The following ATL1 variants were observed in gnomAD, a reference collection of about 807,000 sequenced individuals.
The protein encoded by ATL1 is atlastin GTPase 1.
ATL1 carries 31 observed loss-of-function variants against 75.5 expected under a neutral mutation model. The observed-to-expected ratio is 0.41, with a 90% confidence interval of 0.31 to 0.55. The LOEUF (loss-of-function observed/expected upper bound fraction) is 0.55. Among genes scored for constraint, ATL1 ranks in the 20% least tolerant of loss-of-function variants. The pLI, the probability that ATL1 is intolerant of heterozygous loss-of-function variation, is 0.27. For missense variants in ATL1, 405 were observed against 662.6 expected (o/e 0.61, Z 4.27); for synonymous variants, 226 against 233.3 (o/e 0.97, Z 0.28).
At chr14:50,612,160 G>C (rs908175833) in intron 6 of ATL1, among the ~76,000 whole-genome samples, 1 of 152,246 alleles carries the variant, frequency 6.6e-6, no homozygotes, top group Admixed American at 6.5e-5. Flanking sequence ...AATATATCAT[G>C]TATCATGTAT....
In ATL1 at chr14:50,628,412, C is replaced by A. The variant is rs1316385532; in HGVS notation, c.1501C>A (p.Arg501=). The A allele has an allele frequency of 1.2e-6, 2 of 1,614,042 alleles. No individual in the cohort carries two copies. The highest frequency in any genetic ancestry group is 8.5e-7 in the Non-Finnish European group (1 of 1,180,028). ...ATATATCCGGTACTCTGGAGAATAC[C>A]GAGAGCTGGGAGCTGTAATAGACCA... ...WAYIRYSGEY[R]ELGAVIDQVA... is the part of the protein sequence containing the mutation. The change falls in exon 12 of 14, where the codon CGA becomes AGA. Residue 501 remains arginine (R), a synonymous_variant. Coordinates refer to ENST00000358385, the MANE Select transcript of ATL1 (RefSeq NM_015915.5).
chr14:50,593,569 T>A (rs1460364869), intron 4 of ATL1, among the ~76,000 whole-genome samples: 1 of 152,370 alleles, frequency 6.6e-6, no homozygotes, highest in East Asian at 1.9e-4. Context: ...TTTTTTTGAC[T>A]AATTGCATAA....
At chr14:50,594,026 T>C (rs1595602154) in intron 5 of ATL1, 130 bp downstream of exon 5, 2 of 720,720 alleles carry the variant, frequency 2.8e-6, no homozygotes, top group East Asian at 5.7e-5. Flanking sequence ...ATTGGCCCAA[T>C]TAGCTGCCTG....
chr14:50,609,335 A>C (rs1008975079), intron 6 of ATL1, among the ~76,000 whole-genome samples: 2 of 152,026 alleles, frequency 1.3e-5, no homozygotes, highest in African/African-American at 4.8e-5. Flanking sequence ...TCTTTAAATA[A>C]ATGAATGAAT....
chr14:50,632,722 T>G lies in ATL1; in HGVS notation c.*383T>G, dbSNP rs1201462637. The G allele has an allele frequency of 4.7e-6, 1 of 211,644 alleles. No homozygotes were observed. The highest frequency in any genetic ancestry group is 2.3e-5 in the African/African-American group (1 of 43,118). The allele number at this position is 211,644 out of a possible 1,614,324, so 13.1% of individuals were successfully genotyped here. ...TCTACAGAAAAAATTTTAAATTATT[T>G]CACATTAGCCATTTGTTAAAACACA... On this transcript the variant is annotated 3_prime_UTR_variant, in exon 14 of 14. Coordinates refer to ENST00000358385, the MANE Select transcript of ATL1 (RefSeq NM_015915.5).
At chr14:50,610,337 A>G (rs2039354109) in intron 6 of ATL1, among the ~76,000 whole-genome samples, 1 of 152,124 alleles carries the variant, frequency 6.6e-6, no homozygotes, top group South Asian at 2.1e-4. Flanking sequence ...AAAAAGACAG[A>G]TGAATGATAA....
intron 6 of ATL1, among the ~76,000 whole-genome samples, chr14:50,604,593 G>T (rs1283465468): frequency 1.3e-5 from 2 of 152,052 alleles, no homozygotes; most frequent in Non-Finnish European, 2.9e-5. Flanking sequence ...TACTTTTAAG[G>T]TAAGAACTAT....
At chr14:50,601,782 G>A (rs547849059) in intron 6 of ATL1, among the ~76,000 whole-genome samples, 4 of 152,136 alleles carry the variant, frequency 2.6e-5, no homozygotes, top group African/African-American at 9.7e-5. Context: ...AAATAACTAG[G>A]TTCTTTATAT....
intron 11 of ATL1, among the ~76,000 whole-genome samples, chr14:50,626,637 T>C (rs2039523125): frequency 6.6e-6 from 1 of 152,242 alleles, no homozygotes; most frequent in East Asian, 1.9e-4. Flanking sequence ...TATTGGTACA[T>C]AATAGATGTA....
At chr14:50,541,599 T>C (rs1345519120) in intron 1 of ATL1, among the ~76,000 whole-genome samples, 1 of 152,154 alleles carries the variant, frequency 6.6e-6, no homozygotes, top group Admixed American at 6.5e-5. Flanking sequence ...GAGAAGGCTA[T>C]GATGCAAGCT....
chr14:50,568,764 C>T (rs868056351), intron 1 of ATL1, among the ~76,000 whole-genome samples: 14 of 152,036 alleles, frequency 9.2e-5, no homozygotes, highest in African/African-American at 1.7e-4. Flanking sequence ...TGCATTACTG[C>T]GCATTACTCT....
chr14:50,549,048 C>T (rs1233205853), intron 1 of ATL1, among the ~76,000 whole-genome samples: 1 of 152,170 alleles, frequency 6.6e-6, no homozygotes, highest in African/African-American at 2.4e-5. Flanking sequence ...AAGGGGTGCC[C>T]TGTGTACTAG....
At chr14:50,573,500 A>G (rs533281927) in intron 1 of ATL1, among the ~76,000 whole-genome samples, 58 of 152,342 alleles carry the variant, frequency 3.8e-4, no homozygotes, top group African/African-American at 1.3e-3. Flanking sequence ...TCATGTTCAT[A>G]GAACACCCAT....
At chr14:50,566,890 T>TA (rs2038908927) in intron 1 of ATL1, among the ~76,000 whole-genome samples, 1 of 152,222 alleles carries the variant, frequency 6.6e-6, no homozygotes, top group African/African-American at 2.4e-5. Flanking sequence ...CTCAAAGTTA[T>TA]AAAATCGTCT....
chr14:50,614,531 T>G lies in ATL1; in HGVS notation c.862+20T>G, dbSNP rs758445159. 6.2e-7 allele frequency: 1 copy of G among 1,612,162 alleles called. No homozygotes were observed. The highest frequency in any genetic ancestry group is 8.5e-7 in the Non-Finnish European group (1 of 1,178,568). Reference sequence around the variant, plus strand: ...TGAAAGGTTTGTGTCTTTTAATGAATATGTTTGCATCACTTAGTCTGATTA... The same window carrying G: ...TGAAAGGTTTGTGTCTTTTAATGAAGATGTTTGCATCACTTAGTCTGATTA... On this transcript the variant is annotated intron_variant, in intron 8 of 13. Transcript: ENST00000358385.
chr14:50,631,291 A>C (rs935859634), intron 13 of ATL1, among the ~76,000 whole-genome samples: 3 of 152,056 alleles, frequency 2.0e-5, no homozygotes, highest in East Asian at 1.9e-4. Flanking sequence ...AAAACAAAAA[A>C]AAACCAGATC....
chr14:50,574,908 A>AGTGTGT (rs35304376), intron 1 of ATL1, among the ~76,000 whole-genome samples: 53 of 52,288 alleles, frequency 1.0e-3, no homozygotes, highest in Non-Finnish European at 1.1e-3. Flanking sequence ...TTCAATACTG[A>AGTGTGT]GTGTGTGTGT....
intron 1 of ATL1, among the ~76,000 whole-genome samples, chr14:50,535,723 G>C (rs2038483072): frequency 1.3e-5 from 2 of 152,210 alleles, no homozygotes; most frequent in African/African-American, 2.4e-5. Flanking sequence ...ATTAGGATGA[G>C]AGTTTTAAAA....
In ATL1 at chr14:50,615,090, C is replaced by CTTGGAAT. The variant is rs1283261494; in HGVS notation, c.862+579_862+580insTTGGAAT. On this transcript the variant is annotated intron_variant, in intron 8 of 13. Coordinates refer to ENST00000358385, the MANE Select transcript of ATL1 (RefSeq NM_015915.5). ...ATAGAGGACTGATTGTTACATGATT[C>CTTGGAAT]CAAAGCAGCTTGACTTGTTAAACAA... Among the ~76,000 whole-genome samples the CTTGGAAT allele has an allele frequency of 1.6e-4, 24 of 152,152 alleles. No individual in the cohort carries two copies. In the East Asian group the frequency reaches 4.4e-3, roughly 28 times the overall value.
Sources: gnomAD v4.1 joint callset for allele counts (sites outside exome capture counted in the v4.1 genomes callset) on GRCh38, gnomAD v4.1.1 for gene constraint, MANE v1.5 for transcripts, NCBI Gene and HGNC (gene_info 2026-07-23, HGNC 2026-07-21) for gene names.